The following IMPDH1 variants were observed in gnomAD, a reference collection of about 807,000 sequenced individuals.
IMPDH1 encodes inosine monophosphate dehydrogenase 1, also known as inosine-5'-monophosphate dehydrogenase 1.
IMPDH1 carries 41 observed loss-of-function variants against 73.5 expected under a neutral mutation model. The ratio of observed to expected loss-of-function variants is 0.56; its 90% CI spans 0.43 to 0.72. The LOEUF is 0.72. IMPDH1 is among the 30% of genes least tolerant of loss of function. IMPDH1 has a pLI of 0.00. For missense variants in IMPDH1, 645 were observed against 824.8 expected, an observed-to-expected ratio of 0.78 and a Z score of 2.67; for synonymous variants, 318 against 334.3, an observed-to-expected ratio of 0.95 and a Z score of 0.53.
chr7:128,395,422 G>T, intron 12 of IMPDH1, 148 bp from the exon 13 acceptor site: 1 of 938,226 alleles, frequency 1.1e-6, no homozygotes, highest in Non-Finnish European at 1.6e-6. Flanking sequence ...CATAACATAG[G>T]TGCTGGCAAA....
intron 9 of IMPDH1, among the ~76,000 whole-genome samples, chr7:128,399,666 G>A (rs2116651444): frequency 6.6e-6 from 1 of 152,012 alleles, no homozygotes; most frequent in East Asian, 1.9e-4. Context: ...CAGCCTGGGT[G>A]AGAAAGTGAG....
chr7:128,409,954 G>A lies in IMPDH1; in HGVS notation c.-53C>T, dbSNP rs1799037607. ...GAGCCTGGAGGCTCCCGGGGCCCCGGCTGGGCAGTGAGCGCAGCCCGGTCG... is the reference window on the plus strand; with the variant it reads ...GAGCCTGGAGGCTCCCGGGGCCCCGACTGGGCAGTGAGCGCAGCCCGGTCG... On this transcript the variant is annotated 5_prime_UTR_variant, in exon 1 of 17. Coordinates refer to ENST00000338791, the MANE Select transcript of IMPDH1 (RefSeq NM_000883.4). 1.5e-6 allele frequency: 2 copies of A among 1,314,532 alleles called. No homozygotes were observed. Among genetic ancestry groups the A allele is most frequent in the African/African-American group, 1.6e-5 (1 of 64,430 alleles). 81.4% of individuals were successfully genotyped at this position (1,314,532 alleles called of 1,614,324 possible).
intron 3 of IMPDH1, among the ~76,000 whole-genome samples, chr7:128,406,294 CA>C (rs1563002529): frequency 2.2e-3 from 9 of 4,030 alleles, no homozygotes; most frequent in Non-Finnish European, 7.7e-3. Context: ...CACCCCCCCA[CA>C]CCCCCACACC....
Position 128,396,627 on chromosome 7 carries a change from A to G in IMPDH1, c.1234T>C (p.Cys412Arg). ...TCCTGGGTGATGCAGATGGAGCCGC[A>G]GCCCATGCCCACGCGCAGCCCGTCC... is the stretch of plus-strand genomic sequence containing the variant. ...GVDGLRVGMG[C>R]GSICITQEVM... The change falls in exon 12 of 17, where the codon TGC (cysteine) becomes CGC (arginine). Residue 412 changes from cysteine to arginine, a missense_variant. Cys to Arg is a radical substitution (Grantham distance 180, BLOSUM62 -3). This residue lies in a region of IMPDH1 where 459 missense variants were observed against 638.2 expected (regional missense o/e 0.72). Transcript: ENST00000338791. This position sits in a 1 kb window ranked among gnomAD's most constrained non-coding sequence, Gnocchi z 4.0. 6.4e-7 allele frequency: 1 copy of G among 1,555,668 alleles called. No individual in the cohort carries two copies. Among genetic ancestry groups the G allele is most frequent in the Non-Finnish European group, 8.7e-7 (1 of 1,148,974 alleles).
chr7:128,401,630 C>A (rs891793457), intron 5 of IMPDH1, among the ~76,000 whole-genome samples: 1 of 152,188 alleles, frequency 6.6e-6, no homozygotes, highest in Non-Finnish European at 1.5e-5. Context: ...CGGAGAGAAG[C>A]CACTGGAGGG....
In IMPDH1 at chr7:128,395,279, G is replaced by C; in HGVS notation, c.1262-5C>G. On this transcript the variant is annotated splice_polypyrimidine_tract_variant and splice_region_variant and intron_variant, in intron 12 of 16. Coordinates refer to ENST00000338791, the MANE Select transcript of IMPDH1 (RefSeq NM_000883.4). Reference sequence around the variant, plus strand: ...GGGGCCGACCACAGGCCATCACTGGGGGAGGGTGGGGTGCACAAGGCAGAG... The same window carrying C: ...GGGGCCGACCACAGGCCATCACTGGCGGAGGGTGGGGTGCACAAGGCAGAG... 6.2e-7 allele frequency: 1 copy of C among 1,612,972 alleles called. No homozygotes were observed. The highest frequency in any genetic ancestry group is 1.3e-5 in the African/African-American group (1 of 75,054).
Position 128,392,998 on chromosome 7 carries a change from C to T in IMPDH1, c.*9G>A, listed in dbSNP as rs758971158. The T allele has an allele frequency of 2.3e-5, 37 of 1,613,688 alleles. No individual in the cohort carries two copies. The highest frequency in any genetic ancestry group is 1.3e-4 in the South Asian group (12 of 91,088). ...ATCCCCTCCACCACCTCGGCCTCCA[C>T]CGCTGTCCTCAGTACAGCCGCTTTT... On this transcript the variant is annotated 3_prime_UTR_variant, in exon 17 of 17. Transcript: ENST00000338791.
Position 128,392,706 on chromosome 7 carries a change from G to A in IMPDH1, c.*301C>T, listed in dbSNP as rs1198512468. On this transcript the variant is annotated 3_prime_UTR_variant, in exon 17 of 17. Transcript: ENST00000338791. Reference sequence around the variant, plus strand: ...GGGGCCGCCTGCCCCTGGGGTGGGGGCCAGGCTGGAGCAGGCTGCAGCAAG... The same window carrying A: ...GGGGCCGCCTGCCCCTGGGGTGGGGACCAGGCTGGAGCAGGCTGCAGCAAG... 9.4e-6 allele frequency: 4 copies of A among 427,312 alleles called. No individual in the cohort carries two copies. The highest frequency in any genetic ancestry group is 6.1e-5 in the African/African-American group (3 of 49,450). 26.5% of individuals were successfully genotyped at this position (427,312 alleles called of 1,614,324 possible).
rs1798063966 is a variant in IMPDH1 at position 128,398,211 on chromosome 7, GCTCA to G, written c.1074+199_1074+202del. Among the ~76,000 whole-genome samples the G allele has an allele frequency of 6.6e-6, 1 of 152,202 alleles. No individual in the cohort carries two copies. Among genetic ancestry groups the G allele is most frequent in the African/African-American group, 2.4e-5 (1 of 41,430 alleles). On this transcript the variant is annotated intron_variant, in intron 10 of 16. Coordinates refer to ENST00000338791, the MANE Select transcript of IMPDH1 (RefSeq NM_000883.4). This position sits in a 1 kb window ranked among gnomAD's most constrained non-coding sequence, Gnocchi z 4.3. ...GCTGGAGTGCAGTGGCACGATCCTA[GCTCA>G]CTGTGACCTTGAACCTCTGAGCTCA...
Position 128,398,729 on chromosome 7 carries a change from G to A in IMPDH1, c.875-116C>T. On this transcript the variant is annotated intron_variant, in intron 9 of 16. Transcript: ENST00000338791. This position sits in a 1 kb window ranked among gnomAD's most constrained non-coding sequence, Gnocchi z 4.3. ...CCAGAGATTCCACTGAAGTACCCCA[G>A]TCAGCCACTAGGTGACAGCACCGCC... The A allele has an allele frequency of 1.2e-6, 1 of 816,722 alleles. No individual in the cohort carries two copies. Among genetic ancestry groups the A allele is most frequent in the Non-Finnish European group, 2.1e-6 (1 of 483,004 alleles). 50.6% of individuals were successfully genotyped at this position (816,722 alleles called of 1,614,324 possible).
Position 128,394,318 on chromosome 7 carries a change from T to A in IMPDH1, c.1738A>T (p.Met580Leu). The change falls in exon 16 of 17, where the codon ATG becomes TTG. Residue 580 changes from methionine (M) to leucine (L), a missense_variant. Physicochemically the swap from Met to Leu is conservative, Grantham distance 15. This residue lies in a region of IMPDH1 where 459 missense variants were observed against 638.2 expected (regional missense o/e 0.72). Coordinates refer to ENST00000338791, the MANE Select transcript of IMPDH1 (RefSeq NM_000883.4). This position sits in a 1 kb window ranked among gnomAD's most constrained non-coding sequence, Gnocchi z 5.5. ...SGELKFEKRT[M>L]SAQIEGGVHG... The stretch of plus-strand genomic sequence containing the variant: ...ACACCACCCTCAATCTGGGCCGACA[T>A]GGTCCGCTTCTCAAACTTGAGCTCT... 6.2e-7 allele frequency: 1 copy of A among 1,614,074 alleles called. No homozygotes were observed. The highest frequency in any genetic ancestry group is 8.5e-7 in the Non-Finnish European group (1 of 1,179,992).
At position 128,396,772 on chromosome 7, in the gene IMPDH1, A is replaced by G; in HGVS notation, c.1166-77T>C. On this transcript the variant is annotated intron_variant, in intron 11 of 16. Transcript: ENST00000338791. This position sits in a 1 kb window ranked among gnomAD's most constrained non-coding sequence, Gnocchi z 4.0. ...CTGCCCAACAGCCTCTTGGGACCCC[A>G]GTCTAGCACCCCCCAACCCCCCTAC... 1.5e-6 allele frequency: 2 copies of G among 1,338,466 alleles called. No homozygotes were observed. The highest frequency in any genetic ancestry group is 1.0e-6 in the Non-Finnish European group (1 of 954,764). The allele number at this position is 1,338,466 out of a possible 1,614,324, so 82.9% of individuals were successfully genotyped here. A position where few individuals can be genotyped will look rare whatever the true frequency, so the allele number is the denominator to read the frequency against.
chr7:128,403,788 G>A lies in IMPDH1; in HGVS notation c.354-34C>T, dbSNP rs200984421. ...ACAGAGAAGTGAGTGTTATTAGTGGGGAGGGGTGCCCCAAAGGGGCAGAGC... is the reference window on the plus strand; with the variant it reads ...ACAGAGAAGTGAGTGTTATTAGTGGAGAGGGGTGCCCCAAAGGGGCAGAGC... On this transcript the variant is annotated intron_variant, in intron 4 of 16. Transcript: ENST00000338791. The A allele has an allele frequency of 1.3e-5, 21 of 1,604,442 alleles. No individual in the cohort carries two copies. In the East Asian group the frequency reaches 4.5e-4, roughly 34 times the overall value.
At chr7:128,405,890 C>A in intron 3 of IMPDH1, 25 bp from the exon 4 acceptor site, 1 of 1,499,244 alleles carries the variant, frequency 6.7e-7, no homozygotes, top group East Asian at 2.8e-5. Flanking sequence ...CGCGACCCGA[C>A]ATAAACACCC....
At chr7:128,393,606 T>C (rs1405038656) in intron 16 of IMPDH1, 1 of 194,818 alleles carries the variant, frequency 5.1e-6, no homozygotes, top group East Asian at 1.3e-4. Context: ...CATCTCATGG[T>C]TACACCCCAG....
chr7:128,405,156 G>A (rs929532225), intron 4 of IMPDH1, among the ~76,000 whole-genome samples: 8 of 152,248 alleles, frequency 5.3e-5, no homozygotes, highest in African/African-American at 1.9e-4. Flanking sequence ...GGCAAATGAA[G>A]CCAGAGGCAG....
At chr7:128,399,223 G>C (rs1411460561) in intron 9 of IMPDH1, among the ~76,000 whole-genome samples, 1 of 147,870 alleles carries the variant, frequency 6.8e-6, no homozygotes, top group Admixed American at 6.7e-5. Context: ...AAAATTACCT[G>C]GGTGTGTTGG....
Position 128,392,906 on chromosome 7 carries a change from G to A in IMPDH1, c.*101C>T, listed in dbSNP as rs1028625061. ...TGCCTGGAAAGGAGCTGGAGAACCC[G>A]TAGTGCAAATCTGTGGACCACTCAG... On this transcript the variant is annotated 3_prime_UTR_variant, in exon 17 of 17. Transcript: ENST00000338791. 12 of 1,175,328 alleles carry A rather than the reference G, an allele frequency of 1.0e-5. No individual in the cohort carries two copies. The highest frequency in any genetic ancestry group is 7.0e-5 in the East Asian group (3 of 42,816). 72.8% of individuals were successfully genotyped at this position (1,175,328 alleles called of 1,614,324 possible). A position where few individuals can be genotyped will look rare whatever the true frequency, so the allele number is the denominator to read the frequency against.
At position 128,396,466 on chromosome 7, in the gene IMPDH1, G is replaced by C; in HGVS notation, c.1261+134C>G. On this transcript the variant is annotated intron_variant, in intron 12 of 16. Coordinates refer to ENST00000338791, the MANE Select transcript of IMPDH1 (RefSeq NM_000883.4). The surrounding 1 kb of genome is among the most constrained non-coding windows in gnomAD (Gnocchi z 4.0). ...CTAAGTCAGTGGGCCCGATGGGGTG[G>C]GGCCCATGCCTGGGTCACCCCGGAG... 1.3e-6 allele frequency: 1 copy of C among 756,406 alleles called. No homozygotes were observed. Among genetic ancestry groups the C allele is most frequent in the Non-Finnish European group, 2.3e-6 (1 of 428,982 alleles). 46.9% of individuals were successfully genotyped at this position (756,406 alleles called of 1,614,324 possible).
Sources: allele counts gnomAD v4.1 joint callset (sites outside exome capture counted in the v4.1 genomes callset), GRCh38; gene constraint gnomAD v4.1.1; regional missense constraint gnomAD v4.1.1; non-coding constraint Gnocchi (gnomAD v3.1); transcripts MANE v1.5; gene names NCBI Gene and HGNC (gene_info 2026-07-23, HGNC 2026-07-21).